SNCAIP: variants seen among roughly 807,000 people sequenced by gnomAD.
SNCAIP encodes the protein synphilin-1.
Under a neutral mutation model 86.7 loss-of-function variants are expected in SNCAIP, and 43 were observed. That is an observed-to-expected ratio of 0.50 (90% CI 0.39 to 0.64). The LOEUF (loss-of-function observed/expected upper bound fraction) is 0.64. Among genes scored for constraint, SNCAIP ranks in the 30% least tolerant of loss-of-function variants. The pLI is 0.00. For synonymous variants in SNCAIP, 417 were observed against 427.2 expected (o/e 0.98, Z 0.29); for missense variants, 981 against 1,103.1 (o/e 0.89, Z 1.57).
At chr5:122,463,412 G>A in intron 10 of SNCAIP, 79 bp from the exon 11 acceptor site, 2 of 818,088 alleles carry the variant, frequency 2.4e-6, no homozygotes, top group Non-Finnish European at 4.3e-6. Context: ...CCATTTTTTG[G>A]TGAGCTGTTT....
intron 2 of SNCAIP, 64 bp from the exon 3 acceptor site, chr5:122,403,729 A>G (rs1392470465): frequency 1.5e-6 from 2 of 1,294,012 alleles, no homozygotes; most frequent in Non-Finnish European, 2.3e-6. Flanking sequence ...TTTTCTGGCC[A>G]ATCTGAGTGA....
chr5:122,378,344 A>G (rs1765837797), intron 1 of SNCAIP, among the ~76,000 whole-genome samples: 1 of 134,734 alleles, frequency 7.4e-6, no homozygotes, highest in South Asian at 2.9e-4. Context: ...TCTTCTTTTG[A>G]GAAGTGTCTG....
At chr5:122,334,102 A>G (rs905644647) in intron 1 of SNCAIP, among the ~76,000 whole-genome samples, 3 of 152,230 alleles carry the variant, frequency 2.0e-5, no homozygotes, top group African/African-American at 7.2e-5. Context: ...CAAAGAGGTT[A>G]TAAGAAGAGG....
At chr5:122,319,366 G>A (rs1398539035) in intron 1 of SNCAIP, among the ~76,000 whole-genome samples, 4 of 152,120 alleles carry the variant, frequency 2.6e-5, no homozygotes, top group Admixed American at 6.6e-5. Flanking sequence ...AAATAAAAGC[G>A]TCTTATGGAA....
In SNCAIP at chr5:122,386,509, A is replaced by G. The variant is rs115365987; in HGVS notation, c.-46-4580A>G. 1.9e-3 allele frequency among the ~76,000 whole-genome samples: 282 copies of G among 152,342 alleles called. 1 individual carries two copies. Among genetic ancestry groups the G allele is most frequent in the African/African-American group, 6.4e-3 (265 of 41,580 alleles). On this transcript the variant is annotated intron_variant, in intron 1 of 10. Coordinates refer to ENST00000261368, the MANE Select transcript of SNCAIP (RefSeq NM_005460.4). ...TTATCAAAACTCTGTGAGAGTAGGA[A>G]GAGTCCTACAAACATTGAGTGTAGT... is the stretch of plus-strand genomic sequence containing the variant.
In SNCAIP at chr5:122,422,961, C is replaced by T. The variant is rs762400833; in HGVS notation, c.224C>T (p.Pro75Leu). The T allele has an allele frequency of 6.2e-7, 1 of 1,614,174 alleles. No homozygotes were observed. Among genetic ancestry groups the T allele is most frequent in the South Asian group, 1.1e-5 (1 of 91,084 alleles). The change falls in exon 4 of 11, where the codon CCA becomes CTA. Residue 75 changes from proline (P) to leucine (L), a missense_variant. By Grantham distance (98) the Pro-to-Leu change is moderately conservative. Transcript: ENST00000261368. ...GIADVYSKFRPVKRVSPLKHQ... is the reference protein window; with the variant it reads ...GIADVYSKFRLVKRVSPLKHQ... ...GCTGATGTGTACAGTAAGTTCCGCC[C>T]AGTGAAGCGGGTTTCGCCACTGAAA...
chr5:122,450,843 A>G lies in SNCAIP; in HGVS notation c.1996A>G (p.Arg666Gly). ...PLEKRELKLA[R>G]LRQLMQRSLS... Reference sequence around the variant, plus strand: ...GGAGAAGAGGGAACTGAAGTTAGCCAGGCTGAGACAGCTGATGCAGAGGTC... The same window carrying G: ...GGAGAAGAGGGAACTGAAGTTAGCCGGGCTGAGACAGCTGATGCAGAGGTC... The change falls in exon 10 of 11, where the codon AGG (arginine) becomes GGG (glycine). Residue 666 changes from arginine to glycine, a missense_variant. Transcript: ENST00000261368. The G allele has an allele frequency of 6.2e-7, 1 of 1,614,162 alleles. No individual in the cohort carries two copies. The highest frequency in any genetic ancestry group is 8.5e-7 in the Non-Finnish European group (1 of 1,180,026).
At chr5:122,356,521 A>G (rs1761054327) in intron 1 of SNCAIP, among the ~76,000 whole-genome samples, 1 of 152,238 alleles carries the variant, frequency 6.6e-6, no homozygotes, top group East Asian at 1.9e-4. Flanking sequence ...TTATTTATAT[A>G]CATTCACACA....
chr5:122,406,263 C>T (rs1440353489), intron 3 of SNCAIP, among the ~76,000 whole-genome samples: 2 of 152,136 alleles, frequency 1.3e-5, no homozygotes, highest in African/African-American at 2.4e-5. Context: ...AGAAATAACC[C>T]TCCTCCCCCT....
At chr5:122,383,962 T>G (rs992070393) in intron 1 of SNCAIP, among the ~76,000 whole-genome samples, 1 of 152,228 alleles carries the variant, frequency 6.6e-6, no homozygotes, top group African/African-American at 2.4e-5. Flanking sequence ...GGGTAAGGTG[T>G]GTTAGAGACA....
At chr5:122,424,764 C>G (rs74790455) in intron 4 of SNCAIP, among the ~76,000 whole-genome samples, 1 of 152,150 alleles carries the variant, frequency 6.6e-6, no homozygotes, top group African/African-American at 2.4e-5. Context: ...CAATCTCTAT[C>G]AACGAGTTCA....
chr5:122,335,005 T>C (rs1320960574), intron 1 of SNCAIP, among the ~76,000 whole-genome samples: 2 of 152,178 alleles, frequency 1.3e-5, no homozygotes, highest in African/African-American at 2.4e-5. Context: ...TATTCTAAAA[T>C]GCAAGTGACA....
rs1205307539 is a variant in SNCAIP at position 122,358,037 on chromosome 5, T to A, written c.-46-33052T>A. The stretch of plus-strand genomic sequence containing the variant: ...TGGAATGAATGAATGAGTGAATGAA[T>A]GAACAAGAGCCTTATATTTTTCAGG... On this transcript the variant is annotated intron_variant, in intron 1 of 10. Transcript: ENST00000261368. Among the ~76,000 whole-genome samples the A allele has an allele frequency of 7.9e-5, 12 of 152,216 alleles. No individual in the cohort carries two copies. The East Asian group carries it at 2.3e-3, about 29-fold the overall frequency.
chr5:122,440,780 T>A, intron 7 of SNCAIP, 26 bp downstream of exon 7: 1 of 1,607,354 alleles, frequency 6.2e-7, no homozygotes, highest in South Asian at 1.1e-5. Context: ...TGTTTTGCAA[T>A]GAGAAATGAG....
intron 3 of SNCAIP, among the ~76,000 whole-genome samples, chr5:122,420,639 A>G (rs1266388745): frequency 6.6e-6 from 1 of 152,120 alleles, no homozygotes; most frequent in Non-Finnish European, 1.5e-5. Context: ...ATAAAATTAA[A>G]GGCATATTTG....
chr5:122,340,839 T>A (rs1168202631), intron 1 of SNCAIP, among the ~76,000 whole-genome samples: 2 of 152,218 alleles, frequency 1.3e-5, no homozygotes, highest in East Asian at 3.8e-4. Context: ...TGTATCTAGA[T>A]AAATTTATTA....
chr5:122,362,993 AT>A (rs769726232), intron 1 of SNCAIP, among the ~76,000 whole-genome samples: 3,694 of 113,928 alleles, frequency 0.032, 71 homozygotes, highest in African/African-American at 0.085. Context: ...CATAAATTCT[AT>A]TTTTTTTTTT....
chr5:122,449,809 A>G, intron 8 of SNCAIP, 36 bp from the exon 9 acceptor site: 1 of 1,360,884 alleles, frequency 7.3e-7, no homozygotes, highest in Non-Finnish European at 1.1e-6. Flanking sequence ...AGTAACCAGT[A>G]TCAGAGTCCT....
Position 122,463,842 on chromosome 5 carries a change from C to A in SNCAIP, c.*346C>A. ...TAAGAGTAGATTGATTCACCCTACC[C>A]ACAGGACATTCACCAAGCCACTGAT... On this transcript the variant is annotated 3_prime_UTR_variant, in exon 11 of 11. Coordinates refer to ENST00000261368, the MANE Select transcript of SNCAIP (RefSeq NM_005460.4). 3.6e-6 allele frequency: 1 copy of A among 275,940 alleles called. No homozygotes were observed. The highest frequency in any genetic ancestry group is 6.8e-6 in the Non-Finnish European group (1 of 147,044). 17.1% of individuals were successfully genotyped at this position (275,940 alleles called of 1,614,324 possible).
Sources: allele counts gnomAD v4.1 joint callset (sites outside exome capture counted in the v4.1 genomes callset), GRCh38; gene constraint gnomAD v4.1.1; transcripts MANE v1.5; gene names NCBI Gene and HGNC (gene_info 2026-07-23, HGNC 2026-07-21).